LTBP1: variants seen among roughly 807,000 people sequenced by gnomAD.
LTBP1 encodes latent transforming growth factor beta binding protein 1.
In LTBP1, 129 loss-of-function variants were observed where a neutral mutation model predicts 207.6. That is an observed-to-expected ratio of 0.62 (90% CI 0.54 to 0.72). The LOEUF (loss-of-function observed/expected upper bound fraction) is 0.72, where lower values mean the gene tolerates loss of function less well. Among genes scored for constraint, LTBP1 ranks in the 30% least tolerant of loss-of-function variants. LTBP1 has a pLI of 0.00. For missense variants in LTBP1, 2,281 were observed against 2,217.2 expected (o/e 1.03, Z -0.58); for synonymous variants, 963 against 833.7 (o/e 1.16, Z -2.67).
intron 8 of LTBP1, among the ~76,000 whole-genome samples, chr2:33,218,429 T>C (rs1041747037): frequency 5.3e-5 from 8 of 152,210 alleles, no homozygotes; most frequent in African/African-American, 1.9e-4. Context: ...GGAATTTCAC[T>C]ATTGTCGCCC....
At chr2:33,338,826 T>A (rs1362255453) in intron 24 of LTBP1, among the ~76,000 whole-genome samples, 2 of 152,194 alleles carry the variant, frequency 1.3e-5, no homozygotes, top group Non-Finnish European at 2.9e-5. Flanking sequence ...TCTAGTATGC[T>A]AATTGAGCCA....
chr2:33,375,234 G>A (rs575110368), intron 31 of LTBP1, among the ~76,000 whole-genome samples: 7 of 152,268 alleles, frequency 4.6e-5, no homozygotes, highest in South Asian at 2.1e-4. Flanking sequence ...CAGTAAATGC[G>A]CCATAGCGAA....
intron 2 of LTBP1, among the ~76,000 whole-genome samples, chr2:32,956,332 C>T (rs920508879): frequency 1.3e-5 from 2 of 152,204 alleles, no homozygotes; most frequent in Non-Finnish European, 2.9e-5. Flanking sequence ...TCGGTCTTCT[C>T]AAACGCTACT....
chr2:33,347,288 A>G, intron 25 of LTBP1, 79 bp from the exon 26 acceptor site: 2 of 1,545,174 alleles, frequency 1.3e-6, no homozygotes, highest in Non-Finnish European at 1.8e-6. Context: ...AGACACTATT[A>G]GCCCTGGCAC....
At chr2:33,186,147 T>G (rs1044985936) in intron 5 of LTBP1, among the ~76,000 whole-genome samples, 1 of 152,230 alleles carries the variant, frequency 6.6e-6, no homozygotes, top group Non-Finnish European at 1.5e-5. Flanking sequence ...TGATTCAAAC[T>G]ATTCTACTTA....
intron 3 of LTBP1, among the ~76,000 whole-genome samples, chr2:33,105,231 C>T (rs1211066334): frequency 6.6e-6 from 1 of 152,128 alleles, no homozygotes; most frequent in Non-Finnish European, 1.5e-5. Context: ...TAAAGCAAGT[C>T]ACATGAATAT....
Position 33,347,389 on chromosome 2 carries a change from C to T in LTBP1, c.3879C>T (p.Leu1293=). 2 of 1,614,158 alleles carry T rather than the reference C, an allele frequency of 1.2e-6. No individual in the cohort carries two copies. Among genetic ancestry groups the T allele is most frequent in the Non-Finnish European group, 1.7e-6 (2 of 1,180,036 alleles). ...GCVDVNECEL[L]SGVCGEAFCE... is the part of the protein sequence containing the mutation. ...CAGATGTGAATGAATGTGAACTGCT[C>T]AGTGGGGTGTGTGGTGAAGCCTTCT... The change falls in exon 26 of 34, where the codon CTC becomes CTT. Residue 1293 remains leucine, a synonymous_variant. Transcript: ENST00000404816.
At chr2:33,202,048 CACACACACACACAG>C (rs2089357244) in intron 7 of LTBP1, among the ~76,000 whole-genome samples, 1 of 151,782 alleles carries the variant, frequency 6.6e-6, no homozygotes, top group Admixed American at 6.6e-5. Flanking sequence ...CACACACACA[CACACACACACACAG>C]AGCATTCTAA....
intron 24 of LTBP1, among the ~76,000 whole-genome samples, chr2:33,337,747 C>G (rs1380493605): frequency 6.6e-6 from 1 of 152,188 alleles, no homozygotes; most frequent in African/African-American, 2.4e-5. Context: ...TTAACAGAAT[C>G]ACCCTTCATT....
chr2:33,094,180 T>C (rs2079261047), intron 3 of LTBP1, among the ~76,000 whole-genome samples: 1 of 152,186 alleles, frequency 6.6e-6, no homozygotes, highest in Non-Finnish European at 1.5e-5. Context: ...TAAATTTATT[T>C]TGTATCTCTT....
intron 5 of LTBP1, among the ~76,000 whole-genome samples, chr2:33,179,403 A>G (rs2086397150): frequency 1.3e-5 from 2 of 152,170 alleles, no homozygotes. Flanking sequence ...TTATAAAAGA[A>G]TGAAACGATA....
rs1039547912 is a variant in LTBP1, at chr2:32,947,187, A to G, written c.-138A>G. The G allele has an allele frequency of 2.3e-5, 13 of 565,574 alleles. No homozygotes were observed. The highest frequency in any genetic ancestry group is 3.3e-5 in the Non-Finnish European group (13 of 390,224). 35.0% of individuals were successfully genotyped at this position (565,574 alleles called of 1,614,324 possible). The stretch of plus-strand genomic sequence containing the variant: ...TGCCCGCAGAGCCTCCTCCCTCGCC[A>G]CCGACTTGGTCTCCTCCCGCCTTTC... On this transcript the variant is annotated 5_prime_UTR_variant, in exon 1 of 34. Coordinates refer to ENST00000404816, the MANE Select transcript of LTBP1 (RefSeq NM_206943.4).
At chr2:33,080,815 T>C (rs904879865) in intron 3 of LTBP1, among the ~76,000 whole-genome samples, 1 of 152,226 alleles carries the variant, frequency 6.6e-6, no homozygotes, top group African/African-American at 2.4e-5. Flanking sequence ...CACACATCAA[T>C]GTATAGTATA....
chr2:32,965,305 G>A (rs997415193), intron 2 of LTBP1, among the ~76,000 whole-genome samples: 2 of 152,102 alleles, frequency 1.3e-5, no homozygotes, highest in Non-Finnish European at 1.5e-5. Context: ...TCCTGTCCCT[G>A]TCCTGTTACA....
At chr2:33,213,437 G>C (rs1451895692) in intron 7 of LTBP1, among the ~76,000 whole-genome samples, 1 of 152,198 alleles carries the variant, frequency 6.6e-6, no homozygotes, top group African/African-American at 2.4e-5. Context: ...GCCTATATCT[G>C]TGTGATTACA....
intron 3 of LTBP1, chr2:33,056,258 G>A: frequency 2.1e-6 from 1 of 477,400 alleles, no homozygotes; most frequent in Non-Finnish European, 3.6e-6. Flanking sequence ...CATTTCAAGG[G>A]TGAGCCTGTG....
intron 5 of LTBP1, among the ~76,000 whole-genome samples, chr2:33,152,009 C>G (rs757608141): frequency 1.3e-5 from 2 of 151,964 alleles, no homozygotes; most frequent in Non-Finnish European, 2.9e-5. Context: ...TGGGCTTAGG[C>G]AAGAATTTTG....
In LTBP1 at chr2:33,315,534, A is replaced by T. The variant is rs17644467; in HGVS notation, c.3730+265A>T. ...AATTAATGAGTGGAAATGTGCAAGG[A>T]CTGATAGGAGACATGTAGGAGACCT... On this transcript the variant is annotated intron_variant, in intron 24 of 33. Transcript: ENST00000404816. 7.8e-3 allele frequency among the ~76,000 whole-genome samples: 1,182 copies of T among 152,342 alleles called. 6 individuals carry two copies. The highest frequency in any genetic ancestry group is 0.012 in the Non-Finnish European group (844 of 68,036).
intron 26 of LTBP1, among the ~76,000 whole-genome samples, chr2:33,360,220 CA>C (rs1559066291): frequency 6.6e-6 from 1 of 152,204 alleles, no homozygotes; most frequent in East Asian, 1.9e-4. Context: ...GACCCGTGGT[CA>C]AGTATTTGGG....
Sources: gnomAD v4.1 joint callset for allele counts (sites outside exome capture counted in the v4.1 genomes callset) on GRCh38, gnomAD v4.1.1 for gene constraint, MANE v1.5 for transcripts, NCBI Gene and HGNC (gene_info 2026-07-23, HGNC 2026-07-21) for gene names.